SLC15A5: variants seen among roughly 807,000 people sequenced by gnomAD.
SLC15A5 encodes solute carrier family 15 member 5, also known as Peptide/histidine transporter ENSP00000340402.
Under a neutral mutation model 56.1 loss-of-function variants are expected in SLC15A5, and 58 were observed. The ratio of observed to expected loss-of-function variants is 1.03; its 90% CI spans 0.84 to 1.29. The LOEUF is 1.29. Among genes scored for constraint, SLC15A5 ranks in the 50% most tolerant of loss-of-function variants. SLC15A5 has a pLI of 0.00. For missense variants in SLC15A5, 681 were observed against 672.1 expected, an observed-to-expected ratio of 1.01 and a Z score of -0.15; for synonymous variants, 264 against 250.5, an observed-to-expected ratio of 1.05 and a Z score of -0.51.
intron 8 of SLC15A5, 93 bp from the exon 9 acceptor site, chr12:16,189,908 G>T: frequency 1.1e-6 from 1 of 938,868 alleles, no homozygotes; most frequent in Non-Finnish European, 1.5e-6. Context: ...TACCTTTTAT[G>T]ATGGGCTCAT....
chr12:16,222,255 C>T (rs540224619), intron 6 of SLC15A5, among the ~76,000 whole-genome samples: 127 of 152,224 alleles, frequency 8.3e-4, no homozygotes, highest in African/African-American at 2.9e-3. Flanking sequence ...ATTTTCCCAA[C>T]GTCACAGAGT....
At chr12:16,231,714 A>C (rs763139464) in intron 5 of SLC15A5, among the ~76,000 whole-genome samples, 4 of 152,236 alleles carry the variant, frequency 2.6e-5, no homozygotes, top group Non-Finnish European at 5.9e-5. Flanking sequence ...CAGAATTTAA[A>C]TAGGTGTGAC....
intron 6 of SLC15A5, among the ~76,000 whole-genome samples, chr12:16,221,642 C>T (rs1312215139): frequency 1.3e-5 from 2 of 152,112 alleles, no homozygotes; most frequent in East Asian, 3.9e-4. Flanking sequence ...TGTGGAATTT[C>T]AATCAGGGGA....
intron 5 of SLC15A5, among the ~76,000 whole-genome samples, chr12:16,226,909 C>T (rs1244052595): frequency 6.6e-6 from 1 of 152,278 alleles, no homozygotes; most frequent in East Asian, 1.9e-4. Context: ...CAGATAGTCA[C>T]ATTTTGCTAA....
At chr12:16,242,633 G>A (rs1864423880) in intron 4 of SLC15A5, among the ~76,000 whole-genome samples, 1 of 152,192 alleles carries the variant, frequency 6.6e-6, no homozygotes, top group Non-Finnish European at 1.5e-5. Context: ...TTTGCAATAA[G>A]TTGCACATCT....
At position 16,235,254 on chromosome 12, in the gene SLC15A5, G is replaced by A. The variant is rs981027735; in HGVS notation, c.1162+4427C>T. Among the ~76,000 whole-genome samples the A allele has an allele frequency of 9.6e-6, 1 of 104,150 alleles. No homozygotes were observed. The highest frequency in any genetic ancestry group is 2.1e-5 in the Non-Finnish European group (1 of 48,502). 68.3% of individuals were successfully genotyped at this position (104,150 alleles called of 152,430 possible). Reference sequence around the variant, plus strand: ...AACACGACATGTTATAAGTATATATGTGTATATATATGTATATGTATATAT... The same window carrying A: ...AACACGACATGTTATAAGTATATATATGTATATATATGTATATGTATATAT... On this transcript the variant is annotated intron_variant, in intron 5 of 8. Transcript: ENST00000344941. This position sits in a 1 kb window ranked among gnomAD's most constrained non-coding sequence, Gnocchi z 4.1.
In SLC15A5 at chr12:16,200,848, A is replaced by C. The variant is rs1214844499; in HGVS notation, c.1484-6395T>G. Reference sequence around the variant, plus strand: ...TCAAGACAAAAAAATTAGGAAATGCATAAAACAAATCTAAGGAAAGTAGGA... The same window carrying C: ...TCAAGACAAAAAAATTAGGAAATGCCTAAAACAAATCTAAGGAAAGTAGGA... On this transcript the variant is annotated intron_variant, in intron 7 of 8. Transcript: ENST00000344941. Among the ~76,000 whole-genome samples, 3 of 152,160 alleles carry C rather than the reference A, an allele frequency of 2.0e-5. No homozygotes were observed. The South Asian group carries it at 6.2e-4, about 32-fold the overall frequency.
chr12:16,255,495 A>G (rs1864562227), intron 3 of SLC15A5, among the ~76,000 whole-genome samples: 1 of 152,116 alleles, frequency 6.6e-6, no homozygotes, highest in East Asian at 1.9e-4. Flanking sequence ...TTTTTGGTAG[A>G]AATACAAAAT....
At chr12:16,209,508 G>A (rs892585032) in intron 7 of SLC15A5, among the ~76,000 whole-genome samples, 17 of 151,500 alleles carry the variant, frequency 1.1e-4, no homozygotes, top group African/African-American at 4.1e-4. Flanking sequence ...CTTTTTTTCT[G>A]GCCTCCAGAT....
chr12:16,256,913 A>AATAGATAG (rs55965104), intron 3 of SLC15A5, among the ~76,000 whole-genome samples: 21,564 of 148,408 alleles, frequency 0.15, 1,715 homozygotes, highest in Non-Finnish European at 0.18. Context: ...ATGCATGGGG[A>AATAGATAG]ATAGATAGAT....
intron 6 of SLC15A5, among the ~76,000 whole-genome samples, chr12:16,217,688 AT>A (rs1001023590): frequency 6.6e-6 from 1 of 152,112 alleles, no homozygotes; most frequent in African/African-American, 2.4e-5. Context: ...AGGGTTAGGT[AT>A]TTTTGACAGT....
intron 2 of SLC15A5, among the ~76,000 whole-genome samples, chr12:16,270,701 A>G (rs1429374318): frequency 6.6e-6 from 1 of 152,214 alleles, no homozygotes; most frequent in African/African-American, 2.4e-5. Flanking sequence ...GCCAAAGACC[A>G]TAAAACTCCT....
At chr12:16,250,585 G>A (rs1338496174) in intron 3 of SLC15A5, among the ~76,000 whole-genome samples, 1 of 151,956 alleles carries the variant, frequency 6.6e-6, no homozygotes, top group African/African-American at 2.4e-5. Context: ...CTCCAGAAGT[G>A]CAAGCGAAAG....
Position 16,190,720 on chromosome 12 carries a change from C to G in SLC15A5, c.1593-905G>C, listed in dbSNP as rs1260936768. ...TCAAAAGTTAATTTTACCTTCTTTTCCTTCTCAGTACATTACTAAAAATAA... is the reference window on the plus strand; with the variant it reads ...TCAAAAGTTAATTTTACCTTCTTTTGCTTCTCAGTACATTACTAAAAATAA... On this transcript the variant is annotated intron_variant, in intron 8 of 8. Transcript: ENST00000344941. 3.3e-5 allele frequency among the ~76,000 whole-genome samples: 5 copies of G among 152,018 alleles called. No homozygotes were observed. In the South Asian group the frequency reaches 1.0e-3, roughly 32 times the overall value.
chr12:16,208,675 C>T (rs1197654668), intron 7 of SLC15A5, among the ~76,000 whole-genome samples: 1 of 152,010 alleles, frequency 6.6e-6, no homozygotes, highest in African/African-American at 2.4e-5. Flanking sequence ...TCTAAAAAAC[C>T]CCCCAAAATA....
At chr12:16,249,948 G>A (rs867378044) in intron 3 of SLC15A5, among the ~76,000 whole-genome samples, 6 of 151,904 alleles carry the variant, frequency 3.9e-5, no homozygotes, top group East Asian at 1.9e-4. Context: ...CATATTGACC[G>A]CATTCTATAG....
intron 7 of SLC15A5, among the ~76,000 whole-genome samples, chr12:16,215,215 A>C (rs1048613486): frequency 1.2e-4 from 17 of 140,320 alleles, no homozygotes; most frequent in Admixed American, 3.7e-4. Context: ...AAAAAAAAAA[A>C]AAAAAAAAAA....
chr12:16,205,592 C>CACAT (rs1864010277), intron 7 of SLC15A5, among the ~76,000 whole-genome samples: 1 of 75,466 alleles, frequency 1.3e-5, no homozygotes, highest in African/African-American at 4.4e-5. Flanking sequence ...TATATATATA[C>CACAT]ATATACACAC....
intron 1 of SLC15A5, among the ~76,000 whole-genome samples, chr12:16,273,154 G>C (rs371016798): frequency 4.6e-5 from 7 of 151,956 alleles, no homozygotes; most frequent in Non-Finnish European, 7.4e-5. Context: ...TGTTAATAAA[G>C]GTTATTTGTT....
Sources: gnomAD v4.1 joint callset for allele counts (sites outside exome capture counted in the v4.1 genomes callset) on GRCh38, gnomAD v4.1.1 for gene constraint, Gnocchi (gnomAD v3.1) non-coding constraint, MANE v1.5 for transcripts, NCBI Gene and HGNC (gene_info 2026-07-23, HGNC 2026-07-21) for gene names.